ZNF559: variants seen among roughly 807,000 people sequenced by gnomAD.
ZNF559 encodes putative protein product of Nbla00121.
In ZNF559, 17 loss-of-function variants were observed where a neutral mutation model predicts 14.2. That is an observed-to-expected ratio of 1.20 (90% CI 0.82 to 1.80). The LOEUF is 1.80. Among genes scored for constraint, ZNF559 ranks in the 40% most tolerant of loss-of-function variants. ZNF559 has a pLI of 0.00. For synonymous variants in ZNF559, 244 were observed against 212.4 expected (o/e 1.15, Z -1.29); for missense variants, 740 against 629.7 (o/e 1.18, Z -1.88).
At chr19:9,336,741 A>G (rs748092346) in intron 2 of ZNF559, among the ~76,000 whole-genome samples, 36 of 152,330 alleles carry the variant, frequency 2.4e-4, no homozygotes, top group Non-Finnish European at 4.6e-4. Flanking sequence ...AAGGTCCTTC[A>G]TAAATGTTTG....
chr19:9,342,220 A>T lies in ZNF559; in HGVS notation c.769A>T (p.Thr257Ser). 1 of 1,591,188 alleles carries T rather than the reference A, an allele frequency of 6.3e-7. No homozygotes were observed. Among genetic ancestry groups the T allele is most frequent in the Non-Finnish European group, 8.5e-7 (1 of 1,172,606 alleles). Residue 257 changes from threonine (T) to serine (S), a missense_variant, in exon 7 of 7, where the codon ACT (threonine) becomes TCT (serine). Physicochemically the swap from Thr to Ser is moderately conservative, Grantham distance 58. Coordinates refer to ENST00000603380, the MANE Select transcript of ZNF559 (RefSeq NM_032497.3). Reference sequence around the variant, plus strand: ...ACCCTTCACTGAGTCGTCATATCTTACTCAACATTTAAGAACTCATAGTAG... The same window carrying T: ...ACCCTTCACTGAGTCGTCATATCTTTCTCAACATTTAAGAACTCATAGTAG... ...GKPFTESSYLTQHLRTHSRVL... is the reference protein window; with the variant it reads ...GKPFTESSYLSQHLRTHSRVL...
rs2122316090 is a variant in ZNF559 at position 9,342,813 on chromosome 19, A to G, written c.1362A>G (p.Gln454=). The G allele has an allele frequency of 1.2e-6, 2 of 1,614,106 alleles. No homozygotes were observed. The highest frequency in any genetic ancestry group is 1.7e-6 in the Non-Finnish European group (2 of 1,180,014). ...TTAGATACTCCTCGCACCTTAGTCA[A>G]CATAAAAGAATACATACAGGGGAGA... The part of the protein sequence containing the change: ...KAFRYSSHLS[Q]HKRIHTGERP... The change falls in exon 7 of 7, where the codon CAA becomes CAG. Residue 454 remains glutamine (Q), a synonymous_variant. Transcript: ENST00000603380.
In ZNF559 at chr19:9,342,310, C is replaced by CTAAATATAAGACTAA. The variant is rs770549189; in HGVS notation, c.859_860insTAAATATAAGACTAA (p.His287delinsLeuAsnIleArgLeuAsn). 1.3e-6 allele frequency: 2 copies of CTAAATATAAGACTAA among 1,595,882 alleles called. No homozygotes were observed. Among genetic ancestry groups the CTAAATATAAGACTAA allele is most frequent in the South Asian group, 2.3e-5 (2 of 87,602 alleles). ...TGCTTTTTCCCCAGATCTTGCTAAA[C>CTAAATATAAGACTAA]ATATAAGACTTAGAACTAGAGGAAA... On this transcript the variant is annotated protein_altering_variant, in exon 7 of 7. Transcript: ENST00000603380.
chr19:9,340,023 T>G (rs2067471093), intron 5 of ZNF559, among the ~76,000 whole-genome samples: 1 of 149,848 alleles, frequency 6.7e-6, no homozygotes, highest in African/African-American at 2.5e-5. Flanking sequence ...CTTGACCTTG[T>G]GATCCGCCCA....
At position 9,345,370 on chromosome 19, in the gene ZNF559, C is replaced by G. The variant is rs1333170783; in HGVS notation, c.*2302C>G. On this transcript the variant is annotated 3_prime_UTR_variant, in exon 7 of 7. Coordinates refer to ENST00000603380, the MANE Select transcript of ZNF559 (RefSeq NM_032497.3). ...AGTGTACGTTTAAGTTTTTAAGAGA[C>G]TGCTAAACCTTTCTCAAGTAGTTAT... 1 of 152,198 alleles carries G rather than the reference C, an allele frequency of 6.6e-6. No individual in the cohort carries two copies. The highest frequency in any genetic ancestry group is 2.4e-5 in the African/African-American group (1 of 41,466). 9.4% of individuals were successfully genotyped at this position (152,198 alleles called of 1,614,324 possible).
At position 9,342,430 on chromosome 19, in the gene ZNF559, T is replaced by G. The variant is rs1184281322; in HGVS notation, c.979T>G (p.Cys327Gly). 6.2e-7 allele frequency: 1 copy of G among 1,614,124 alleles called. No homozygotes were observed. Among genetic ancestry groups the G allele is most frequent in the South Asian group, 1.1e-5 (1 of 91,068 alleles). The part of the protein sequence containing the change: ...RVHTGEKPYE[C>G]NKCGKAFTDS... ...TCACACTGGAGAAAAACCGTATGAG[T>G]GCAACAAATGTGGGAAAGCCTTCAC... The change falls in exon 7 of 7, where the codon TGC becomes GGC. Residue 327 changes from cysteine to glycine, a missense_variant. Cys to Gly is a radical substitution (Grantham distance 159, BLOSUM62 -3). Transcript: ENST00000603380.
chr19:9,327,089 T>C (rs2066650384), intron 2 of ZNF559, among the ~76,000 whole-genome samples: 1 of 152,192 alleles, frequency 6.6e-6, no homozygotes, highest in Non-Finnish European at 1.5e-5. Flanking sequence ...ACTACAAGTT[T>C]GTTAGTGATA....
At position 9,324,207 on chromosome 19, in the gene ZNF559, C is replaced by A. The variant is rs1181062365; in HGVS notation, c.-227C>A. 6.5e-7 allele frequency: 1 copy of A among 1,536,092 alleles called. No homozygotes were observed. The highest frequency in any genetic ancestry group is 8.7e-7 in the Non-Finnish European group (1 of 1,146,888). On this transcript the variant is annotated 5_prime_UTR_variant, in exon 1 of 7. Coordinates refer to ENST00000603380, the MANE Select transcript of ZNF559 (RefSeq NM_032497.3). ...CGCATAACGGCCGCCATCTTAACAG[C>A]GCGTTCCCGTTGGCGTCTGAGGTAA...
chr19:9,324,185 A>C lies in ZNF559; in HGVS notation c.-249A>C. On this transcript the variant is annotated 5_prime_UTR_variant, in exon 1 of 7. Coordinates refer to ENST00000603380, the MANE Select transcript of ZNF559 (RefSeq NM_032497.3). ...GGCGTGTCTGCGTGGGCGCATGCGC[A>C]TAACGGCCGCCATCTTAACAGCGCG... The C allele has an allele frequency of 3.3e-6, 5 of 1,536,066 alleles. No homozygotes were observed. The highest frequency in any genetic ancestry group is 2.4e-5 in the East Asian group (1 of 40,900).
chr19:9,326,427 C>T (rs1157053397), intron 2 of ZNF559, among the ~76,000 whole-genome samples: 1 of 152,048 alleles, frequency 6.6e-6, no homozygotes, highest in East Asian at 1.9e-4. Flanking sequence ...AAAATTTTGG[C>T]CTTTGAAGAT....
intron 2 of ZNF559, among the ~76,000 whole-genome samples, chr19:9,328,542 G>A (rs1045930868): frequency 6.6e-6 from 1 of 151,398 alleles, no homozygotes; most frequent in Non-Finnish European, 1.5e-5. Flanking sequence ...TAGTAGAGAC[G>A]AGCTTTCATC....
rs1282735975 is a variant in ZNF559, at chr19:9,342,259, GA to G, written c.810del (p.Glu270AspfsTer19). The G allele has an allele frequency of 6.3e-7, 1 of 1,584,492 alleles. No homozygotes were observed. Reference sequence around the variant, plus strand: ...AACTCATAGTAGAGTGTTACCTATAGAACATAAGAAATTTGGCAAAGCCTTT... The same window carrying G: ...AACTCATAGTAGAGTGTTACCTATAGACATAAGAAATTTGGCAAAGCCTTT... The part of the protein sequence containing the change: ...LRTHSRVLPI[E>X]HKKFGKAFAF... On this transcript the variant is annotated frameshift_variant, in exon 7 of 7. Transcript: ENST00000603380. LOFTEE classifies it low-confidence loss of function (END_TRUNC).
At chr19:9,333,527 G>A (rs1288268145) in intron 2 of ZNF559, among the ~76,000 whole-genome samples, 4 of 152,114 alleles carry the variant, frequency 2.6e-5, no homozygotes, top group Non-Finnish European at 5.9e-5. Context: ...CATCTCTACA[G>A]AAAACTAAAG....
chr19:9,335,135 C>CAA (rs59300029), intron 2 of ZNF559, among the ~76,000 whole-genome samples: 3 of 124,598 alleles, frequency 2.4e-5, no homozygotes, highest in East Asian at 2.5e-4. Flanking sequence ...GACTCTGTCT[C>CAA]AAAAAAAAAA....
intron 2 of ZNF559, among the ~76,000 whole-genome samples, chr19:9,335,206 G>T (rs1160248138): frequency 6.6e-6 from 1 of 152,022 alleles, no homozygotes. Context: ...GGAGGTCAAG[G>T]CGGGAGGATC....
intron 5 of ZNF559, among the ~76,000 whole-genome samples, chr19:9,340,568 A>T (rs529976248): frequency 2.7e-4 from 15 of 54,928 alleles, no homozygotes; most frequent in South Asian, 1.2e-3. Flanking sequence ...CTCTGTCTCT[A>T]AAAAAAAAAA....
At chr19:9,324,461 G>C (rs1175225208) in intron 1 of ZNF559, 1 of 1,426,900 alleles carries the variant, frequency 7.0e-7, no homozygotes, top group Non-Finnish European at 9.2e-7. Context: ...GAGGAGGCGG[G>C]GGGCACGGCC....
At chr19:9,326,074 A>T (rs1458158197) in intron 2 of ZNF559, among the ~76,000 whole-genome samples, 2 of 146,572 alleles carry the variant, frequency 1.4e-5, no homozygotes, top group African/African-American at 2.5e-5. Flanking sequence ...TAGATCTGTT[A>T]AATCTGTTTT....
At position 9,324,706 on chromosome 19, in the gene ZNF559, C is replaced by T. The variant is rs1363222776; in HGVS notation, c.-194C>T. On this transcript the variant is annotated 5_prime_UTR_variant, in exon 2 of 7. Transcript: ENST00000603380. ...CTTTTCTCTATAAGGAACAGCATCT[C>T]TGCCTTCCTGTTCACGGTGACCTTC... 8 of 1,532,554 alleles carry T rather than the reference C, an allele frequency of 5.2e-6. No homozygotes were observed. The highest frequency in any genetic ancestry group is 4.2e-5 in the African/African-American group (3 of 72,162). The allele number at this position is 1,532,554 out of a possible 1,614,324, so 94.9% of individuals were successfully genotyped here.
Sources: gnomAD v4.1 joint callset for allele counts (sites outside exome capture counted in the v4.1 genomes callset) on GRCh38, gnomAD v4.1.1 for gene constraint, MANE v1.5 for transcripts, NCBI Gene and HGNC (gene_info 2026-07-23, HGNC 2026-07-21) for gene names.